COMMD10: variants seen among roughly 807,000 people sequenced by gnomAD.
The protein encoded by COMMD10 is COMM domain-containing protein 10.
Under a neutral mutation model 28.9 loss-of-function variants are expected in COMMD10, and 33 were observed. That is an observed-to-expected ratio of 1.14 (90% confidence interval 0.87 to 1.53). The LOEUF (loss-of-function observed/expected upper bound fraction) is 1.53. COMMD10 is among the 40% of genes most tolerant of loss of function. The probability of loss-of-function intolerance (pLI) is 0.00; values close to 1 mark genes in which losing one functional copy is unlikely to be tolerated. For synonymous variants in COMMD10, 110 were observed against 81.7 expected, an observed-to-expected ratio of 1.35 and a Z score of -1.87; for missense variants, 310 against 233.4, an observed-to-expected ratio of 1.33 and a Z score of -2.14.
intron 4 of COMMD10, among the ~76,000 whole-genome samples, chr5:116,124,236 A>G (rs910023080): frequency 2.0e-5 from 3 of 151,954 alleles, no homozygotes; most frequent in East Asian, 3.9e-4. Flanking sequence ...ACATACTGCT[A>G]TAATTGTGTC....
chr5:116,126,103 C>A (rs1751626480), intron 4 of COMMD10, among the ~76,000 whole-genome samples: 1 of 152,112 alleles, frequency 6.6e-6, no homozygotes, highest in Non-Finnish European at 1.5e-5. Flanking sequence ...AATCAGTGTG[C>A]AAAAATCACA....
intron 5 of COMMD10, among the ~76,000 whole-genome samples, chr5:116,275,382 A>G (rs185019778): frequency 6.6e-6 from 1 of 151,924 alleles, no homozygotes; most frequent in East Asian, 1.9e-4. Context: ...TCTTTCAGGT[A>G]TCAGATTAGA....
At chr5:116,146,937 C>G (rs948820691) in intron 5 of COMMD10, among the ~76,000 whole-genome samples, 1 of 151,808 alleles carries the variant, frequency 6.6e-6, no homozygotes, top group African/African-American at 2.4e-5. Flanking sequence ...TGATCCAAAG[C>G]TGCAACCTTT....
At chr5:116,111,599 T>C (rs1751048064) in intron 4 of COMMD10, among the ~76,000 whole-genome samples, 2 of 152,334 alleles carry the variant, frequency 1.3e-5, no homozygotes, top group South Asian at 4.1e-4. Context: ...TGATATTGAT[T>C]TCTTGGTATT....
At chr5:116,286,114 ATCTTG>A (rs1256267015) in intron 5 of COMMD10, among the ~76,000 whole-genome samples, 2 of 151,698 alleles carry the variant, frequency 1.3e-5, no homozygotes, top group African/African-American at 4.9e-5. Context: ...GAATTTATCC[ATCTTG>A]TCTTAGGTTA....
intron 6 of COMMD10, 54 bp downstream of exon 6, chr5:116,291,630 T>G (rs1307376611): frequency 9.7e-7 from 1 of 1,031,810 alleles, no homozygotes; most frequent in Non-Finnish European, 1.4e-6. Context: ...CATAATATTT[T>G]GTTTCATTTT....
chr5:116,281,671 G>A (rs534242562), intron 5 of COMMD10, among the ~76,000 whole-genome samples: 4 of 151,886 alleles, frequency 2.6e-5, no homozygotes, highest in South Asian at 4.2e-4. Context: ...TGACTTCAAT[G>A]TGTTTTACAG....
At chr5:116,203,541 C>T (rs1748728886) in intron 5 of COMMD10, among the ~76,000 whole-genome samples, 2 of 152,114 alleles carry the variant, frequency 1.3e-5, no homozygotes, top group Admixed American at 6.5e-5. Context: ...CAGCGGATCT[C>T]TCGGCAGAAA....
chr5:116,275,349 C>T (rs748183151), intron 5 of COMMD10, among the ~76,000 whole-genome samples: 12 of 151,816 alleles, frequency 7.9e-5, no homozygotes, highest in Non-Finnish European at 1.6e-4. Flanking sequence ...TATCCCCCAT[C>T]CTGCTTTATT....
At chr5:116,204,710 A>G (rs1748766521) in intron 5 of COMMD10, among the ~76,000 whole-genome samples, 1 of 152,194 alleles carries the variant, frequency 6.6e-6, no homozygotes, top group African/African-American at 2.4e-5. Flanking sequence ...CCATAATTAA[A>G]TTGCAAAGTT....
chr5:116,177,109 T>A (rs1753540336), intron 5 of COMMD10, among the ~76,000 whole-genome samples: 1 of 152,020 alleles, frequency 6.6e-6, no homozygotes, highest in African/African-American at 2.4e-5. Context: ...CACTGATAGG[T>A]AGCATGTTCT....
intron 5 of COMMD10, among the ~76,000 whole-genome samples, chr5:116,179,709 G>T (rs1401806744): frequency 3.3e-5 from 5 of 152,112 alleles, no homozygotes; most frequent in Admixed American, 2.0e-4. Flanking sequence ...ATAGGCACCA[G>T]AATGCTTTTA....
At chr5:116,231,829 T>A (rs1202136114) in intron 5 of COMMD10, among the ~76,000 whole-genome samples, 1 of 152,086 alleles carries the variant, frequency 6.6e-6, no homozygotes, top group Non-Finnish European at 1.5e-5. Context: ...TGGGAGTACT[T>A]ACTTCAAGAC....
intron 5 of COMMD10, among the ~76,000 whole-genome samples, chr5:116,237,549 C>CTA (rs1431455342): frequency 6.6e-6 from 1 of 151,850 alleles, no homozygotes; most frequent in African/African-American, 2.4e-5. Flanking sequence ...ATGGCACATG[C>CTA]TATATAGTCC....
intron 5 of COMMD10, among the ~76,000 whole-genome samples, chr5:116,254,311 G>C (rs1021359563): frequency 5.3e-5 from 8 of 151,984 alleles, no homozygotes; most frequent in African/African-American, 1.9e-4. Context: ...GTTCTGCTCT[G>C]ATCTTAGTTA....
At chr5:116,157,070 T>G (rs1428670614) in intron 5 of COMMD10, among the ~76,000 whole-genome samples, 1 of 152,076 alleles carries the variant, frequency 6.6e-6, no homozygotes, top group Non-Finnish European at 1.5e-5. Context: ...GGAACACAAT[T>G]TTGCCGATTT....
chr5:116,241,731 G>T (rs1412586525), intron 5 of COMMD10, among the ~76,000 whole-genome samples: 1 of 152,020 alleles, frequency 6.6e-6, no homozygotes, highest in Non-Finnish European at 1.5e-5. Flanking sequence ...TTCTGCCTTA[G>T]CCTTCTGAGT....
In COMMD10 at chr5:116,169,789, C is replaced by G. The variant is rs180715574; in HGVS notation, c.510+35611C>G. Among the ~76,000 whole-genome samples the G allele has an allele frequency of 2.6e-5, 4 of 152,248 alleles. No homozygotes were observed. The East Asian group carries it at 7.7e-4, about 29-fold the overall frequency. ...AAAGGCCTTCGATAAAATTCAGCAC[C>G]TCTTCATGCTAAAAACACTCAATAA... On this transcript the variant is annotated intron_variant, in intron 5 of 6. Transcript: ENST00000274458.
chr5:116,271,117 T>G (rs999476743), intron 5 of COMMD10, among the ~76,000 whole-genome samples: 1 of 150,896 alleles, frequency 6.6e-6, no homozygotes, highest in Non-Finnish European at 1.5e-5. Context: ...TCTAGAAATA[T>G]ATGATCATAA....
Sources: allele counts gnomAD v4.1 joint callset (sites outside exome capture counted in the v4.1 genomes callset), GRCh38; gene constraint gnomAD v4.1.1; transcripts MANE v1.5; gene names NCBI Gene and HGNC (gene_info 2026-07-23, HGNC 2026-07-21).